LRP6: variants seen among roughly 807,000 people sequenced by gnomAD.
LRP6 encodes the protein low-density lipoprotein receptor-related protein 6.
LRP6 carries 43 observed loss-of-function variants against 184.1 expected under a neutral mutation model. The observed-to-expected ratio is 0.23, with a 90% CI of 0.18 to 0.30. The LOEUF (loss-of-function observed/expected upper bound fraction) is 0.30. Among genes scored for constraint, LRP6 ranks in the 10% least tolerant of loss-of-function variants. The pLI is 1.00. For synonymous variants in LRP6, 719 were observed against 684.9 expected (o/e 1.05, Z -0.78); for missense variants, 1,571 against 2,005.3 (o/e 0.78, Z 4.14).
intron 6 of LRP6, 89 bp downstream of exon 6, chr12:12,180,954 T>C (rs2136990681): frequency 3.6e-6 from 5 of 1,397,776 alleles, no homozygotes; most frequent in Non-Finnish European, 3.0e-6. Context: ...GAAACCAATA[T>C]ATATGTCATG....
chr12:12,160,564 T>C (rs1862714949), intron 10 of LRP6, among the ~76,000 whole-genome samples: 1 of 152,346 alleles, frequency 6.6e-6, no homozygotes, highest in Non-Finnish European at 1.5e-5. Flanking sequence ...CCCCTTGATG[T>C]GTCCACTGGG....
At chr12:12,169,723 C>A (rs1862981813) in intron 7 of LRP6, among the ~76,000 whole-genome samples, 1 of 152,210 alleles carries the variant, frequency 6.6e-6, no homozygotes, top group South Asian at 2.1e-4. Context: ...CCCTTCCAAC[C>A]ATTCCTTGTT....
Position 12,159,962 on chromosome 12 carries a change from A to C in LRP6, c.2282T>G (p.Phe761Cys). The change falls in exon 11 of 23, where the codon TTT (phenylalanine) becomes TGT (cysteine). Residue 761 changes from phenylalanine (F) to cysteine (C), a missense_variant and splice_region_variant. This residue lies in a region of LRP6 where 158 missense variants were observed against 258.4 expected (regional missense o/e 0.61). Coordinates refer to ENST00000261349, the MANE Select transcript of LRP6 (RefSeq NM_002336.3). ...RALALDPAEG[F>C]MYWTEWGGKP... ...TCCACCCCATTCAGTCCAATACATAAATCTAAATTCAAAATAATAAATATT... is the reference window on the plus strand; with the variant it reads ...TCCACCCCATTCAGTCCAATACATACATCTAAATTCAAAATAATAAATATT... The C allele has an allele frequency of 6.3e-7, 1 of 1,597,634 alleles. No individual in the cohort carries two copies. Among genetic ancestry groups the C allele is most frequent in the Non-Finnish European group, 8.5e-7 (1 of 1,170,538 alleles).
chr12:12,155,500 TA>T, intron 12 of LRP6: 1 of 817,382 alleles, frequency 1.2e-6, no homozygotes, highest in East Asian at 2.4e-5. Context: ...ACAAAAAAGT[TA>T]AGGGCAAGAT....
At chr12:12,240,033 T>C (rs747224378) in intron 2 of LRP6, among the ~76,000 whole-genome samples, 8 of 150,578 alleles carry the variant, frequency 5.3e-5, no homozygotes, top group Non-Finnish European at 8.9e-5. Context: ...TGAGAACACA[T>C]GTACACACAC....
chr12:12,139,022 A>C, intron 15 of LRP6: 1 of 1,298,480 alleles, frequency 7.7e-7, no homozygotes, highest in Non-Finnish European at 1.0e-6. Flanking sequence ...AGTCATCCAG[A>C]CTCTGAGGAG....
chr12:12,254,297 T>C (rs1042102319), intron 1 of LRP6, among the ~76,000 whole-genome samples: 3 of 152,066 alleles, frequency 2.0e-5, no homozygotes, highest in African/African-American at 7.2e-5. Context: ...GAAAAACAGA[T>C]GGGTTCGTGA....
chr12:12,220,721 C>T (rs1260586118), intron 2 of LRP6, among the ~76,000 whole-genome samples: 1 of 151,902 alleles, frequency 6.6e-6, no homozygotes, highest in African/African-American at 2.4e-5. Flanking sequence ...ACCTCAGCCT[C>T]CTGAGTAAAT....
chr12:12,225,664 G>A (rs1864602363), intron 2 of LRP6, among the ~76,000 whole-genome samples: 1 of 152,024 alleles, frequency 6.6e-6, no homozygotes, highest in African/African-American at 2.4e-5. Flanking sequence ...TTGAGGTCAG[G>A]AGTTTGAGAC....
Position 12,186,913 on chromosome 12 carries a change from G to C in LRP6, c.844+10C>G. ...TCCAACTTGCAATTTAAAAATCAAG[G>C]ATCACTTACCATTTGGCTGCCTCTG... On this transcript the variant is annotated intron_variant, in intron 4 of 22. Transcript: ENST00000261349. 1 of 1,612,876 alleles carries C rather than the reference G, an allele frequency of 6.2e-7. No individual in the cohort carries two copies. Among genetic ancestry groups the C allele is most frequent in the Non-Finnish European group, 8.5e-7 (1 of 1,178,892 alleles).
intron 2 of LRP6, among the ~76,000 whole-genome samples, chr12:12,231,180 C>CA (rs10661340): frequency 0.18 from 4,246 of 23,468 alleles, 1,658 homozygotes; most frequent in Non-Finnish European, 0.21. Flanking sequence ...GACTCCATCT[C>CA]AAAAAAAAAA....
rs147675126 is a variant in LRP6 at position 12,163,125 on chromosome 12, G to A, written c.2053-706C>T. Among the ~76,000 whole-genome samples the A allele has an allele frequency of 5.8e-3, 875 of 151,970 alleles. 8 individuals carry two copies. Among genetic ancestry groups the A allele is most frequent in the Non-Finnish European group, 0.01 (707 of 67,972 alleles). On this transcript the variant is annotated intron_variant, in intron 9 of 22. Coordinates refer to ENST00000261349, the MANE Select transcript of LRP6 (RefSeq NM_002336.3). The stretch of plus-strand genomic sequence containing the variant: ...CGAGTAGCTGGGATTACAGGTATGC[G>A]CCACCATGACCAGCTAATTTTTGTA...
intron 7 of LRP6, among the ~76,000 whole-genome samples, chr12:12,176,041 G>T (rs911946107): frequency 1.4e-5 from 2 of 147,084 alleles, no homozygotes; most frequent in African/African-American, 5.0e-5. Context: ...AAAAAAAAAG[G>T]AATGCTGTTA....
At chr12:12,170,818 C>T (rs918936299) in intron 7 of LRP6, among the ~76,000 whole-genome samples, 1 of 150,930 alleles carries the variant, frequency 6.6e-6, no homozygotes, top group Non-Finnish European at 1.5e-5. Flanking sequence ...CACACACACA[C>T]ACACACACAC....
intron 3 of LRP6, among the ~76,000 whole-genome samples, chr12:12,202,127 T>G (rs1863926773): frequency 6.6e-6 from 1 of 152,242 alleles, no homozygotes; most frequent in African/African-American, 2.4e-5. Flanking sequence ...GAGAAGAAAT[T>G]CCATGTTTAT....
intron 2 of LRP6, among the ~76,000 whole-genome samples, chr12:12,210,460 A>G (rs890964079): frequency 1.3e-5 from 2 of 152,216 alleles, no homozygotes; most frequent in African/African-American, 4.8e-5. Context: ...AGTCAATAGA[A>G]TAACAGGAAA....
Position 12,201,330 on chromosome 12 carries a change from T to C in LRP6, c.647+1873A>G, listed in dbSNP as rs2137038269. On this transcript the variant is annotated intron_variant, in intron 3 of 22. Transcript: ENST00000261349. The stretch of plus-strand genomic sequence containing the variant: ...CATTTCAGTAGTTCCATTTTGAGAG[T>C]TCGTTGGGGCTAGACTGCTCTAGCT... Among the ~76,000 whole-genome samples the C allele has an allele frequency of 2.0e-5, 3 of 152,244 alleles. 1 individual carries two copies. In the Middle Eastern group the frequency reaches 0.01, roughly 518 times the overall value.
intron 2 of LRP6, among the ~76,000 whole-genome samples, chr12:12,234,809 G>A (rs142914673): frequency 4.6e-5 from 7 of 151,236 alleles, no homozygotes; most frequent in Middle Eastern, 6.8e-3. Context: ...CTGGGCGACA[G>A]AGAGAGACTA....
intron 2 of LRP6, among the ~76,000 whole-genome samples, chr12:12,211,666 T>C (rs1182549671): frequency 2.6e-5 from 4 of 152,206 alleles, no homozygotes; most frequent in Non-Finnish European, 5.9e-5. Context: ...AAATTCTGAA[T>C]GTATAAACTG....
Sources: gnomAD v4.1 joint callset for allele counts (sites outside exome capture counted in the v4.1 genomes callset) on GRCh38, gnomAD v4.1.1 for gene constraint, gnomAD v4.1.1 regional missense constraint, MANE v1.5 for transcripts, NCBI Gene and HGNC (gene_info 2026-07-23, HGNC 2026-07-21) for gene names.